TRAPPC9: variants seen among roughly 807,000 people sequenced by gnomAD.
TRAPPC9 encodes the protein trafficking protein particle complex subunit 9, also known as IKK2 binding protein.
TRAPPC9 carries 83 observed loss-of-function variants against 124.0 expected under a neutral mutation model. The observed-to-expected ratio is 0.67, with a 90% confidence interval of 0.56 to 0.80. TRAPPC9 has a LOEUF of 0.80. TRAPPC9 is among the 30% of genes least tolerant of loss of function. The pLI is 0.00. For missense variants in TRAPPC9, 1,302 were observed against 1,508.3 expected, an observed-to-expected ratio of 0.86 and a Z score of 2.27; for synonymous variants, 638 against 617.5, an observed-to-expected ratio of 1.03 and a Z score of -0.49.
rs535366191 is a variant in TRAPPC9 at position 139,796,074 on chromosome 8, A to T, written c.3056-63872T>A. On this transcript the variant is annotated intron_variant, in intron 21 of 22. Transcript: ENST00000438773. ...GAGGAGGAAGAGGAAGAAGAGGAGG[A>T]GGAAGAGGAGAAGGAGGAGGAAGAG... 2.0e-3 allele frequency among the ~76,000 whole-genome samples: 275 copies of T among 140,140 alleles called. 1 individual carries two copies. Among genetic ancestry groups the T allele is most frequent in the African/African-American group, 7.4e-3 (264 of 35,690 alleles). 91.9% of individuals were successfully genotyped at this position (140,140 alleles called of 152,430 possible). A position where few individuals can be genotyped will look rare whatever the true frequency, so the allele number is the denominator to read the frequency against.
chr8:139,741,182 A>AGCTCCCCCCGGGCGTGAT (rs2130070734), intron 21 of TRAPPC9, among the ~76,000 whole-genome samples: 1 of 151,844 alleles, frequency 6.6e-6, no homozygotes, highest in Non-Finnish European at 1.5e-5. Flanking sequence ...CTGGGTGTGA[A>AGCTCCCCCCGGGCGTGAT]GCTCCCCCCG....
intron 15 of TRAPPC9, among the ~76,000 whole-genome samples, chr8:140,267,744 G>A (rs1463198123): frequency 6.6e-6 from 1 of 152,166 alleles, no homozygotes; most frequent in Admixed American, 6.5e-5. Context: ...TCAGCTCACA[G>A]CAACCTCTGC....
At chr8:139,834,306 C>T (rs774250332) in intron 21 of TRAPPC9, among the ~76,000 whole-genome samples, 4 of 152,190 alleles carry the variant, frequency 2.6e-5, no homozygotes, top group Admixed American at 1.3e-4. Flanking sequence ...AGAAACCTGA[C>T]GCAACTCCAT....
intron 6 of TRAPPC9, among the ~76,000 whole-genome samples, chr8:140,399,433 G>A (rs1359346862): frequency 6.6e-6 from 1 of 152,206 alleles, no homozygotes; most frequent in East Asian, 1.9e-4. Flanking sequence ...AAGCCACAGG[G>A]GCAGGGTTGC....
At chr8:139,954,620 T>C (rs7823102) in intron 19 of TRAPPC9, among the ~76,000 whole-genome samples, 23,911 of 152,236 alleles carry the variant, frequency 0.16, 2,474 homozygotes, top group African/African-American at 0.29. Flanking sequence ...TAAATGGCCA[T>C]TTGTAAGAAG....
intron 17 of TRAPPC9, among the ~76,000 whole-genome samples, chr8:140,188,596 C>A (rs2062402936): frequency 6.6e-6 from 1 of 152,230 alleles, no homozygotes; most frequent in African/African-American, 2.4e-5. Flanking sequence ...CCCGACCACA[C>A]TGGCCTATCC....
chr8:140,392,414 A>T (rs1157346532), intron 7 of TRAPPC9, among the ~76,000 whole-genome samples: 1 of 152,228 alleles, frequency 6.6e-6, no homozygotes, highest in Admixed American at 6.5e-5. Context: ...ATACTGCTAG[A>T]GCAGGCCTGA....
chr8:140,350,686 A>G (rs566325120), intron 9 of TRAPPC9, among the ~76,000 whole-genome samples: 19 of 152,080 alleles, frequency 1.2e-4, no homozygotes, highest in Non-Finnish European at 2.5e-4. Flanking sequence ...CGCACCGTTC[A>G]AGATCGCCCA....
intron 21 of TRAPPC9, among the ~76,000 whole-genome samples, chr8:139,801,893 A>G (rs1437843445): frequency 1.3e-5 from 2 of 152,216 alleles, no homozygotes; most frequent in East Asian, 3.9e-4. Context: ...TAACCTCCTA[A>G]TCCAGGACTG....
chr8:140,111,894 G>GT (rs1355158508), intron 17 of TRAPPC9, among the ~76,000 whole-genome samples: 3 of 152,262 alleles, frequency 2.0e-5, no homozygotes, highest in African/African-American at 7.2e-5. Flanking sequence ...AGCTCTCCCT[G>GT]TATGCGCCAG....
rs60646030 is a variant in TRAPPC9, at chr8:139,911,709, GAA to G, written c.2811-1411_2811-1410del. Among the ~76,000 whole-genome samples the G allele has an allele frequency of 2.8e-5, 4 of 141,010 alleles. No homozygotes were observed. In the South Asian group the frequency reaches 8.9e-4, roughly 31 times the overall value. The allele number at this position is 141,010 out of a possible 152,430, so 92.5% of individuals were successfully genotyped here. A position where few individuals can be genotyped will look rare whatever the true frequency, so the allele number is the denominator to read the frequency against. On this transcript the variant is annotated intron_variant, in intron 19 of 22. Transcript: ENST00000438773. Reference sequence around the variant, plus strand: ...GGCAGAGTGAGACTCTGTCTTAAAAGAAAAAAAAAAAGTAGGCCTTTTTTTTT... The same window carrying G: ...GGCAGAGTGAGACTCTGTCTTAAAAGAAAAAAAAAGTAGGCCTTTTTTTTT...
At chr8:140,233,529 C>T (rs2063653225) in intron 16 of TRAPPC9, among the ~76,000 whole-genome samples, 1 of 150,952 alleles carries the variant, frequency 6.6e-6, no homozygotes, top group Non-Finnish European at 1.5e-5. Flanking sequence ...ATAAAGGCTT[C>T]TTTCTCCCCT....
At chr8:140,187,120 T>A (rs2062369867) in intron 17 of TRAPPC9, among the ~76,000 whole-genome samples, 2 of 152,214 alleles carry the variant, frequency 1.3e-5, no homozygotes, top group African/African-American at 4.8e-5. Flanking sequence ...CCCCTCGAAC[T>A]ACATAGGTTT....
chr8:140,284,154 C>G (rs1038859258), intron 13 of TRAPPC9, 133 bp from the exon 14 acceptor site: 1 of 1,154,216 alleles, frequency 8.7e-7, no homozygotes, highest in East Asian at 2.4e-5. Flanking sequence ...GGCCCGCCGG[C>G]GCTCACCCAC....
intron 21 of TRAPPC9, among the ~76,000 whole-genome samples, chr8:139,820,713 A>T (rs1825196397): frequency 1.3e-5 from 2 of 152,264 alleles, no homozygotes; most frequent in African/African-American, 4.8e-5. Context: ...CAGTCTTTAC[A>T]GTAGAACAGA....
chr8:140,359,309 A>G (rs1176033795), intron 9 of TRAPPC9, among the ~76,000 whole-genome samples: 2 of 151,978 alleles, frequency 1.3e-5, no homozygotes, highest in Non-Finnish European at 2.9e-5. Flanking sequence ...GGCACCACAC[A>G]CTGGGCCAGG....
At chr8:140,226,083 G>A (rs2063443895) in intron 16 of TRAPPC9, among the ~76,000 whole-genome samples, 1 of 152,148 alleles carries the variant, frequency 6.6e-6, no homozygotes, top group South Asian at 2.1e-4. Flanking sequence ...GTTTCTTTGG[G>A]GAGCAGCTCC....
chr8:140,289,174 AGTGTGTGT>A (rs71320349), intron 12 of TRAPPC9, among the ~76,000 whole-genome samples: 28,433 of 148,282 alleles, frequency 0.19, 2,809 homozygotes, highest in Middle Eastern at 0.28. Flanking sequence ...ATATATATAT[AGTGTGTGT>A]GTGTGTGTGT....
intron 16 of TRAPPC9, among the ~76,000 whole-genome samples, chr8:140,244,328 C>T (rs746998056): frequency 1.2e-4 from 18 of 152,172 alleles, no homozygotes; most frequent in Non-Finnish European, 2.6e-4. Context: ...TCTACCGTCT[C>T]GTCTCATTCT....
Sources: gnomAD v4.1 joint callset for allele counts (sites outside exome capture counted in the v4.1 genomes callset) on GRCh38, gnomAD v4.1.1 for gene constraint, MANE v1.5 for transcripts, NCBI Gene and HGNC (gene_info 2026-07-23, HGNC 2026-07-21) for gene names.